ADI1: variants seen among roughly 807,000 people sequenced by gnomAD.
ADI1 encodes acireductone dioxygenase.
ADI1 carries 21 observed loss-of-function variants against 18.7 expected under a neutral mutation model. That is an observed-to-expected ratio of 1.13 (90% CI 0.80 to 1.62). ADI1 has a LOEUF of 1.62. ADI1 is among the 40% of genes most tolerant of loss of function. ADI1 has a pLI of 0.00. For missense variants in ADI1, 245 were observed against 254.9 expected (o/e 0.96, Z 0.26); for synonymous variants, 90 against 100.1 (o/e 0.90, Z 0.60).
At chr2:3,508,769 T>G (rs1487944704) in intron 2 of ADI1, among the ~76,000 whole-genome samples, 4 of 152,038 alleles carry the variant, frequency 2.6e-5, no homozygotes, top group Admixed American at 2.0e-4. Flanking sequence ...CCAGTTGTGG[T>G]GGTGTGCACC....
In ADI1 at chr2:3,514,772, T is replaced by C. The variant is rs1002749628; in HGVS notation, c.121-796A>G. The C allele has an allele frequency of 1.6e-5, 25 of 1,544,238 alleles. No individual in the cohort carries two copies. The African/African-American group carries it at 2.9e-4, about 18-fold the overall frequency. ...CAGTGAATCTAGCACACTTTATGTTTTGCAATAAACTGCACATTATATCAT... is the reference window on the plus strand; with the variant it reads ...CAGTGAATCTAGCACACTTTATGTTCTGCAATAAACTGCACATTATATCAT... On this transcript the variant is annotated intron_variant, in intron 1 of 3. Transcript: ENST00000327435.
chr2:3,505,636 TG>T (rs1667159639), intron 2 of ADI1, among the ~76,000 whole-genome samples: 1 of 152,232 alleles, frequency 6.6e-6, no homozygotes, highest in Non-Finnish European at 1.5e-5. Flanking sequence ...CCCAGCCTGC[TG>T]GGCTTTCATG....
intron 1 of ADI1, 137 bp downstream of exon 1, chr2:3,519,231 C>A: frequency 2.4e-6 from 3 of 1,256,314 alleles, no homozygotes; most frequent in Non-Finnish European, 3.0e-6. Context: ...GCCACGAACC[C>A]CCAAATCCCG....
intron 1 of ADI1, chr2:3,516,251 G>A (rs1667406940): frequency 1.1e-5 from 2 of 174,222 alleles, no homozygotes; most frequent in Admixed American, 1.3e-4. Context: ...GGAGGCCAAG[G>A]TGGGCAGATC....
chr2:3,503,163 A>AT lies in ADI1; in HGVS notation c.241-2171dup, dbSNP rs552663658. Among the ~76,000 whole-genome samples, 1,129 of 151,922 alleles carry AT rather than the reference A, an allele frequency of 7.4e-3. 15 individuals carry two copies. Among genetic ancestry groups the AT allele is most frequent in the African/African-American group, 0.026 (1,068 of 41,342 alleles). On this transcript the variant is annotated intron_variant, in intron 2 of 3. Transcript: ENST00000327435. ...CGCACACACACGTACACGCTCTCACATGCGTACATTCACACTCACATGCAC... is the reference window on the plus strand; with the variant it reads ...CGCACACACACGTACACGCTCTCACATTGCGTACATTCACACTCACATGCAC...
intron 2 of ADI1, among the ~76,000 whole-genome samples, chr2:3,506,359 G>T (rs983829865): frequency 3.9e-5 from 6 of 152,196 alleles, no homozygotes; most frequent in Admixed American, 3.3e-4. Context: ...AAGTTTGCAG[G>T]ATACAGGGTT....
At chr2:3,501,094 G>C in intron 2 of ADI1, 101 bp from the exon 3 acceptor site, 1 of 1,014,484 alleles carries the variant, frequency 9.9e-7, no homozygotes, top group South Asian at 1.7e-5. Flanking sequence ...CCAGAGCTGA[G>C]GTGAATGGGA....
Position 3,504,138 on chromosome 2 carries a change from C to T in ADI1, c.241-3145G>A, listed in dbSNP as rs770225612. ...CTTCCCCATGGAGAGACTTGACGGA[C>T]GCCGATTTCACCCAGGGCACGTTGA... On this transcript the variant is annotated intron_variant, in intron 2 of 3. Coordinates refer to ENST00000327435, the MANE Select transcript of ADI1 (RefSeq NM_018269.4). Among the ~76,000 whole-genome samples the T allele has an allele frequency of 1.1e-4, 17 of 152,302 alleles. 1 individual carries two copies. The highest frequency in any genetic ancestry group is 6.8e-3 in the Middle Eastern group (2 of 294).
At chr2:3,514,795 C>T (rs566948162) in intron 1 of ADI1, 2 of 1,548,472 alleles carry the variant, frequency 1.3e-6, no homozygotes, top group East Asian at 2.4e-5. Context: ...CACATTATAT[C>T]ATCACTACTT....
In ADI1 at chr2:3,508,334, C is replaced by CAAAAAAA. The variant is rs33977448; in HGVS notation, c.240+5516_240+5522dup. 1.1e-3 allele frequency among the ~76,000 whole-genome samples: 30 copies of CAAAAAAA among 26,924 alleles called. 2 individuals carry two copies. The highest frequency in any genetic ancestry group is 4.4e-3 in the South Asian group (2 of 450). The allele number at this position is 26,924 out of a possible 152,430, so 17.7% of individuals were successfully genotyped here. A position where few individuals can be genotyped will look rare whatever the true frequency, so the allele number is the denominator to read the frequency against. On this transcript the variant is annotated intron_variant, in intron 2 of 3. Coordinates refer to ENST00000327435, the MANE Select transcript of ADI1 (RefSeq NM_018269.4). Reference sequence around the variant, plus strand: ...TGGGCAACAGAGTGAGACTCTGTCTCAAAAAAAAAAAAAAAAAAAAAAAAA... The same window carrying CAAAAAAA: ...TGGGCAACAGAGTGAGACTCTGTCTCAAAAAAAAAAAAAAAAAAAAAAAAAAAAAAAA...
chr2:3,509,233 G>GT, intron 2 of ADI1, among the ~76,000 whole-genome samples: 1 of 152,104 alleles, frequency 6.6e-6, no homozygotes, highest in Non-Finnish European at 1.5e-5. Flanking sequence ...CACTATTACA[G>GT]TTGGCAATTT....
chr2:3,507,997 G>A (rs1457970248), intron 2 of ADI1, among the ~76,000 whole-genome samples: 4 of 151,918 alleles, frequency 2.6e-5, no homozygotes, highest in Non-Finnish European at 4.4e-5. Context: ...CATATAAAAT[G>A]TTCAATTAAA....
chr2:3,500,499 G>GACAACCCTAGAGATGCCT, intron 3 of ADI1: 1 of 491,082 alleles, frequency 2.0e-6, no homozygotes, highest in Non-Finnish European at 3.7e-6. Flanking sequence ...AAGGGCTGGG[G>GACAACCCTAGAGATGCCT]CAGGGCCAGG....
At chr2:3,518,179 G>C (rs1304250755) in intron 1 of ADI1, among the ~76,000 whole-genome samples, 1 of 152,222 alleles carries the variant, frequency 6.6e-6, no homozygotes, top group Non-Finnish European at 1.5e-5. Context: ...CAAATACTAT[G>C]TAAACATTAA....
chr2:3,511,686 A>C (rs761270717), intron 2 of ADI1, among the ~76,000 whole-genome samples: 1 of 152,244 alleles, frequency 6.6e-6, no homozygotes, highest in Non-Finnish European at 1.5e-5. Flanking sequence ...CAGCTTTGGA[A>C]TTGAGTAACA....
chr2:3,505,595 C>A (rs1261297516), intron 2 of ADI1, among the ~76,000 whole-genome samples: 1 of 152,206 alleles, frequency 6.6e-6, no homozygotes, highest in Non-Finnish European at 1.5e-5. Context: ...CTTATGAAGG[C>A]CTCAACTCAG....
chr2:3,519,267 G>A, intron 1 of ADI1, 101 bp downstream of exon 1: 2 of 1,303,622 alleles, frequency 1.5e-6, no homozygotes, highest in Non-Finnish European at 2.0e-6. Context: ...AGCATGCCGC[G>A]GCTCCCAGGC....
chr2:3,501,931 C>T (rs1408599376), intron 2 of ADI1, among the ~76,000 whole-genome samples: 1 of 151,840 alleles, frequency 6.6e-6, no homozygotes, highest in East Asian at 1.9e-4. Context: ...ATATCCATAC[C>T]CCCTTCACCA....
In ADI1 at chr2:3,497,746, A is replaced by G. The variant is rs1431800993; in HGVS notation, c.*1217T>C. ...TCAAGGAGGCGAAACTAGAGTCCGC[A>G]GGAGGCCAGCCCCGCACGAGGAGTT... On this transcript the variant is annotated 3_prime_UTR_variant, in exon 4 of 4. Transcript: ENST00000327435. The G allele has an allele frequency of 1.3e-5, 2 of 152,260 alleles. No homozygotes were observed. Among genetic ancestry groups the G allele is most frequent in the Non-Finnish European group, 2.9e-5 (2 of 68,048 alleles). The allele number at this position is 152,260 out of a possible 1,614,324, so 9.4% of individuals were successfully genotyped here.
Sources: allele counts gnomAD v4.1 joint callset (sites outside exome capture counted in the v4.1 genomes callset), GRCh38; gene constraint gnomAD v4.1.1; transcripts MANE v1.5; gene names NCBI Gene and HGNC (gene_info 2026-07-23, HGNC 2026-07-21).